Variants in KIF6 observed in about 807,000 individuals in gnomAD.
The protein encoded by KIF6 is kinesin-like protein KIF6.
Under a neutral mutation model 112.7 loss-of-function variants are expected in KIF6, and 106 were observed. The ratio of observed to expected loss-of-function variants is 0.94; its 90% CI spans 0.80 to 1.11. The LOEUF is 1.11. KIF6 is among the 50% of genes least tolerant of loss of function. The probability of loss-of-function intolerance (pLI) is 0.00; values close to 1 mark genes in which losing one functional copy is unlikely to be tolerated. For missense variants in KIF6, 929 were observed against 964.0 expected (o/e 0.96, Z 0.48); for synonymous variants, 339 against 339.9 (o/e 1.00, Z 0.03).
intron 13 of KIF6, among the ~76,000 whole-genome samples, chr6:39,528,147 C>T (rs1355077549): frequency 6.6e-6 from 1 of 152,140 alleles, no homozygotes; most frequent in Non-Finnish European, 1.5e-5. Context: ...TGGTAACCAC[C>T]ATTCTACTCT....
At chr6:39,391,281 C>T (rs760635827) in intron 15 of KIF6, among the ~76,000 whole-genome samples, 2 of 152,152 alleles carry the variant, frequency 1.3e-5, no homozygotes, top group African/African-American at 2.4e-5. Context: ...ACTAAAACAG[C>T]GCCATGCGGA....
rs1780688748 is a variant in KIF6 at position 39,572,371 on chromosome 6, A to AT, written c.1181+5684dup. ...TAACTCCTTGGAATTATTTTTTGTAATTTTTTGTATCCTATACCTCTAACC... is the reference window on the plus strand; with the variant it reads ...TAACTCCTTGGAATTATTTTTTGTAATTTTTTTGTATCCTATACCTCTAACC... On this transcript the variant is annotated intron_variant, in intron 10 of 22. Coordinates refer to ENST00000287152, the MANE Select transcript of KIF6 (RefSeq NM_145027.6). Among the ~76,000 whole-genome samples, 3 of 151,902 alleles carry AT rather than the reference A, an allele frequency of 2.0e-5. No homozygotes were observed. The South Asian group carries it at 6.2e-4, about 31-fold the overall frequency.
At chr6:39,491,536 G>A (rs901210971) in intron 13 of KIF6, among the ~76,000 whole-genome samples, 42 of 152,252 alleles carry the variant, frequency 2.8e-4, no homozygotes, top group Admixed American at 2.6e-3. Context: ...CTTGGCAATA[G>A]CTAACCAGCA....
chr6:39,723,538 T>A (rs192565740), intron 1 of KIF6, among the ~76,000 whole-genome samples: 7 of 152,304 alleles, frequency 4.6e-5, no homozygotes, highest in Non-Finnish European at 8.8e-5. Context: ...GGTACATATA[T>A]ATACACCATG....
chr6:39,448,175 T>G (rs1186021534), intron 13 of KIF6, among the ~76,000 whole-genome samples: 1 of 152,112 alleles, frequency 6.6e-6, no homozygotes, highest in African/African-American at 2.4e-5. Context: ...AAAGTACATT[T>G]TATTAATTTT....
At chr6:39,450,049 C>T (rs957863613) in intron 13 of KIF6, among the ~76,000 whole-genome samples, 1 of 152,182 alleles carries the variant, frequency 6.6e-6, no homozygotes, top group Non-Finnish European at 1.5e-5. Context: ...TACATTTTAA[C>T]TCCATGAATA....
At chr6:39,619,460 C>T (rs1783699278) in intron 5 of KIF6, among the ~76,000 whole-genome samples, 1 of 152,138 alleles carries the variant, frequency 6.6e-6, no homozygotes, top group Admixed American at 6.6e-5. Flanking sequence ...TGAAGAGGAA[C>T]AGAATTGAAA....
At chr6:39,676,148 TG>T (rs1457220477) in intron 3 of KIF6, among the ~76,000 whole-genome samples, 1 of 150,554 alleles carries the variant, frequency 6.6e-6, no homozygotes, top group Non-Finnish European at 1.5e-5. Context: ...TAGTTCCAAC[TG>T]GGATAGATAA....
intron 10 of KIF6, among the ~76,000 whole-genome samples, chr6:39,564,681 T>C (rs769376051): frequency 1.3e-5 from 2 of 152,184 alleles, no homozygotes; most frequent in South Asian, 2.1e-4. Context: ...CATTTTATCT[T>C]GGTGTGCTTT....
At chr6:39,651,978 T>G (rs577005572) in intron 3 of KIF6, among the ~76,000 whole-genome samples, 1 of 152,158 alleles carries the variant, frequency 6.6e-6, no homozygotes, top group South Asian at 2.1e-4. Flanking sequence ...CCATAGACAA[T>G]TATGGCCTAT....
intron 6 of KIF6, among the ~76,000 whole-genome samples, chr6:39,606,438 G>A (rs761593948): frequency 6.3e-4 from 96 of 152,172 alleles, no homozygotes; most frequent in Middle Eastern, 3.4e-3. Flanking sequence ...TATATAAATA[G>A]GTTGTGGGAT....
chr6:39,466,326 T>G (rs1773786901), intron 13 of KIF6, among the ~76,000 whole-genome samples: 1 of 152,206 alleles, frequency 6.6e-6, no homozygotes, highest in South Asian at 2.1e-4. Flanking sequence ...CAATGGTTTC[T>G]GAGCTTCAAG....
chr6:39,431,038 C>A lies in KIF6; in HGVS notation c.1754+15G>T, dbSNP rs1214749943. ...TGAGCCTCGGAGGACCAGCTGCTCT[C>A]TGAGACAGCCTTACCTCTGTTTCAG... On this transcript the variant is annotated intron_variant, in intron 14 of 22. Transcript: ENST00000287152. The A allele has an allele frequency of 1.9e-6, 3 of 1,562,038 alleles. No individual in the cohort carries two copies. The highest frequency in any genetic ancestry group is 2.6e-6 in the Non-Finnish European group (3 of 1,134,856).
At chr6:39,650,035 G>A (rs1280172436) in intron 3 of KIF6, among the ~76,000 whole-genome samples, 1 of 152,094 alleles carries the variant, frequency 6.6e-6, no homozygotes, top group African/African-American at 2.4e-5. Context: ...TCTCCTCCTT[G>A]GATACAGGGG....
At chr6:39,461,883 T>C (rs955957228) in intron 13 of KIF6, among the ~76,000 whole-genome samples, 1 of 152,232 alleles carries the variant, frequency 6.6e-6, no homozygotes, top group East Asian at 1.9e-4. Context: ...ACTATAATAC[T>C]AATATTTTAT....
chr6:39,586,669 T>C (rs964991763), intron 7 of KIF6, among the ~76,000 whole-genome samples: 1 of 152,238 alleles, frequency 6.6e-6, no homozygotes, highest in Non-Finnish European at 1.5e-5. Flanking sequence ...TAGAACTGGA[T>C]ACACTATTAT....
At chr6:39,571,356 A>C (rs1449579295) in intron 10 of KIF6, among the ~76,000 whole-genome samples, 1 of 152,128 alleles carries the variant, frequency 6.6e-6, no homozygotes, top group Non-Finnish European at 1.5e-5. Flanking sequence ...ATTCTGTCCA[A>C]TTCTATGAGA....
chr6:39,706,804 CT>C (rs1010238595), intron 3 of KIF6, among the ~76,000 whole-genome samples: 1 of 152,182 alleles, frequency 6.6e-6, no homozygotes, highest in African/African-American at 2.4e-5. Context: ...CAAAATGTCA[CT>C]GGTGTTTTTG....
Position 39,363,243 on chromosome 6 carries a change from C to G in KIF6, c.1862-725G>C, listed in dbSNP as rs1247229943. ...AAACCATCTGACATCTTTCTCTGCA[C>G]AAGTGGAGGTGCTTAATTTCCAGCC... is the stretch of plus-strand genomic sequence containing the variant. On this transcript the variant is annotated intron_variant, in intron 16 of 22. Coordinates refer to ENST00000287152, the MANE Select transcript of KIF6 (RefSeq NM_145027.6). 2.0e-5 allele frequency among the ~76,000 whole-genome samples: 3 copies of G among 152,224 alleles called. No individual in the cohort carries two copies. In the East Asian group the frequency reaches 5.8e-4, roughly 29 times the overall value.
Sources: allele counts gnomAD v4.1 joint callset (sites outside exome capture counted in the v4.1 genomes callset), GRCh38; gene constraint gnomAD v4.1.1; transcripts MANE v1.5; gene names NCBI Gene and HGNC (gene_info 2026-07-23, HGNC 2026-07-21).